The following ATF7IP variants were observed in gnomAD, a reference collection of about 807,000 sequenced individuals.
ATF7IP encodes activating transcription factor 7-interacting protein 1.
In ATF7IP, 23 loss-of-function variants were observed where a neutral mutation model predicts 106.4. The ratio of observed to expected loss-of-function variants is 0.22; its 90% CI spans 0.16 to 0.31. ATF7IP has a LOEUF of 0.31. ATF7IP is among the 10% of genes least tolerant of loss of function. The pLI, the probability that ATF7IP is intolerant of heterozygous loss-of-function variation, is 1.00. For synonymous variants in ATF7IP, 542 were observed against 539.0 expected, an observed-to-expected ratio of 1.01 and a Z score of -0.08; for missense variants, 1,334 against 1,524.3, an observed-to-expected ratio of 0.88 and a Z score of 2.08.
In ATF7IP at chr12:14,446,980, T is replaced by TC. The variant is rs768878081; in HGVS notation, c.1930-8_1930-7insC. On this transcript the variant is annotated splice_polypyrimidine_tract_variant and splice_region_variant and intron_variant, in intron 5 of 14. Coordinates refer to ENST00000261168, the MANE Select transcript of ATF7IP (RefSeq NM_018179.5). ...TCCATTCATTTTTGTCTTTTTTTTT[T>TC]TTTTCAGGCCAAGATAGCCAGGTTA... The TC allele has an allele frequency of 7.1e-6, 11 of 1,558,636 alleles. No homozygotes were observed. The highest frequency in any genetic ancestry group is 1.3e-5 in the South Asian group (1 of 79,902).
At chr12:14,429,006 A>G (rs1942000406) in intron 2 of ATF7IP, among the ~76,000 whole-genome samples, 1 of 152,180 alleles carries the variant, frequency 6.6e-6, no homozygotes, top group Non-Finnish European at 1.5e-5. Context: ...AAGTTCAAAC[A>G]CTAGAGGAGC....
At chr12:14,451,115 A>T (rs1413822973) in intron 6 of ATF7IP, among the ~76,000 whole-genome samples, 1 of 151,900 alleles carries the variant, frequency 6.6e-6, no homozygotes, top group Non-Finnish European at 1.5e-5. Context: ...ACTTTTAATA[A>T]TTCAGTCTTG....
intron 13 of ATF7IP, among the ~76,000 whole-genome samples, chr12:14,489,414 C>T (rs537536233): frequency 1.3e-4 from 20 of 152,218 alleles, no homozygotes; most frequent in African/African-American, 3.4e-4. Flanking sequence ...CTGGTGTGAG[C>T]GTTCCTCCCT....
chr12:14,366,165 A>G (rs915696202), intron 1 of ATF7IP, among the ~76,000 whole-genome samples: 1 of 152,224 alleles, frequency 6.6e-6, no homozygotes, highest in Non-Finnish European at 1.5e-5. Flanking sequence ...CAAGAAAAAC[A>G]TTACTCTAAT....
chr12:14,492,416 A>G (rs7304399), intron 13 of ATF7IP, among the ~76,000 whole-genome samples: 85,870 of 151,766 alleles, frequency 0.57, 24,732 homozygotes, highest in African/African-American at 0.67. Flanking sequence ...GATTCACTGC[A>G]TAAATTGTCA....
Position 14,437,312 on chromosome 12 carries a change from C to T in ATF7IP, c.1792-818C>T, listed in dbSNP as rs142879916. 3.3e-5 allele frequency among the ~76,000 whole-genome samples: 5 copies of T among 152,244 alleles called. 1 individual carries two copies. Among genetic ancestry groups the T allele is most frequent in the African/African-American group, 1.2e-4 (5 of 41,540 alleles). On this transcript the variant is annotated intron_variant, in intron 4 of 14. Transcript: ENST00000261168. ...ACAAAATTCTTTCATTAAAATATAG[C>T]ATACATATTTGCACTTTGTAGAAAA... is the stretch of plus-strand genomic sequence containing the variant.
At chr12:14,481,256 A>G in intron 13 of ATF7IP, 71 bp downstream of exon 13, 1 of 1,540,642 alleles carries the variant, frequency 6.5e-7, no homozygotes, top group African/African-American at 1.4e-5. Context: ...GGAATGGCAT[A>G]TAATAATGTT....
At chr12:14,428,600 A>G (rs1303049211) in intron 2 of ATF7IP, among the ~76,000 whole-genome samples, 1 of 152,160 alleles carries the variant, frequency 6.6e-6, no homozygotes, top group African/African-American at 2.4e-5. Context: ...CTAATTTTTA[A>G]TATACTCAGA....
chr12:14,438,553 T>A (rs1348645246), intron 5 of ATF7IP, among the ~76,000 whole-genome samples: 2 of 152,206 alleles, frequency 1.3e-5, no homozygotes, highest in African/African-American at 2.4e-5. Flanking sequence ...AAGAATCTGT[T>A]CTATGCCTTT....
rs186141825 is a variant in ATF7IP, at chr12:14,490,063, T to C, written c.3281-6168T>C. On this transcript the variant is annotated intron_variant, in intron 13 of 14. Coordinates refer to ENST00000261168, the MANE Select transcript of ATF7IP (RefSeq NM_018179.5). ...AGTGTTGGTCTCTTCTGCTGGCAAA[T>C]TGGGTACTCGGCATTAGCCATAGTC... Among the ~76,000 whole-genome samples the C allele has an allele frequency of 5.1e-4, 77 of 152,258 alleles. 1 individual carries two copies. Among genetic ancestry groups the C allele is most frequent in the Admixed American group, 4.5e-3 (69 of 15,292 alleles).
At chr12:14,466,229 C>T (rs943848721) in intron 9 of ATF7IP, 6 of 241,988 alleles carry the variant, frequency 2.5e-5, no homozygotes, top group South Asian at 1.2e-4. Flanking sequence ...ACTATTTCCT[C>T]ATGTTAGAAC....
chr12:14,464,811 AAGAG>A (rs1182079643), intron 9 of ATF7IP, among the ~76,000 whole-genome samples: 3 of 152,234 alleles, frequency 2.0e-5, no homozygotes, highest in South Asian at 2.1e-4. Context: ...AATTAGGTCT[AAGAG>A]AGAATCATGC....
chr12:14,488,378 C>A (rs114093937), intron 13 of ATF7IP, among the ~76,000 whole-genome samples: 1 of 152,004 alleles, frequency 6.6e-6, no homozygotes, highest in South Asian at 2.1e-4. Context: ...ACTTGGAGGC[C>A]GATGTTTCAG....
chr12:14,434,206 A>C (rs1292861095), intron 2 of ATF7IP, 131 bp from the exon 3 acceptor site: 2 of 598,026 alleles, frequency 3.3e-6, no homozygotes, highest in Non-Finnish European at 2.9e-6. Flanking sequence ...CCCCTCCCCA[A>C]ATTTTACATT....
chr12:14,457,087 T>C, intron 7 of ATF7IP, 120 bp from the exon 8 acceptor site: 1 of 788,910 alleles, frequency 1.3e-6, no homozygotes, highest in South Asian at 1.6e-5. Flanking sequence ...CAGTTTAGGA[T>C]TGTGAAACCC....
chr12:14,488,778 G>A (rs138407615), intron 13 of ATF7IP, among the ~76,000 whole-genome samples: 7 of 152,176 alleles, frequency 4.6e-5, no homozygotes, highest in East Asian at 1.9e-4. Flanking sequence ...AACCAGAAGC[G>A]CACCAATCCC....
chr12:14,398,679 T>C (rs1015248189), intron 1 of ATF7IP, among the ~76,000 whole-genome samples: 2 of 152,066 alleles, frequency 1.3e-5, no homozygotes, highest in African/African-American at 4.8e-5. Context: ...GATTTATTTC[T>C]GATTGTGAAT....
intron 11 of ATF7IP, 41 bp downstream of exon 11, chr12:14,476,009 A>T: frequency 1.4e-6 from 2 of 1,469,188 alleles, no homozygotes. Flanking sequence ...TTTTGATACC[A>T]TTTTTTTTGT....
chr12:14,436,073 C>T, intron 3 of ATF7IP, 33 bp from the exon 4 acceptor site: 1 of 1,605,424 alleles, frequency 6.2e-7, no homozygotes, highest in Non-Finnish European at 8.5e-7. Context: ...AAGAAAAACA[C>T]CTGAGTGTGA....
Sources: allele counts gnomAD v4.1 joint callset (sites outside exome capture counted in the v4.1 genomes callset), GRCh38; gene constraint gnomAD v4.1.1; transcripts MANE v1.5; gene names NCBI Gene and HGNC (gene_info 2026-07-23, HGNC 2026-07-21).